Variants in PPFIBP1 observed in about 807,000 individuals in gnomAD.
The protein encoded by PPFIBP1 is PPFIB scaffold protein 1.
In PPFIBP1, 112 loss-of-function variants were observed where a neutral mutation model predicts 137.8. The observed-to-expected ratio is 0.81, with a 90% CI of 0.70 to 0.95. PPFIBP1 has a LOEUF of 0.95. Among genes scored for constraint, PPFIBP1 ranks in the 40% least tolerant of loss-of-function variants. The pLI is 0.00. For synonymous variants in PPFIBP1, 378 were observed against 417.3 expected (o/e 0.91, Z 1.15); for missense variants, 1,083 against 1,196.6 (o/e 0.91, Z 1.40).
chr12:27,575,026 T>C (rs2050445797), intron 1 of PPFIBP1, among the ~76,000 whole-genome samples: 1 of 152,240 alleles, frequency 6.6e-6, no homozygotes, highest in African/African-American at 2.4e-5. Flanking sequence ...TCCAGCAACA[T>C]GACTATACCA....
chr12:27,649,805 G>T (rs2058764584), intron 6 of PPFIBP1, among the ~76,000 whole-genome samples: 1 of 152,104 alleles, frequency 6.6e-6, no homozygotes. Flanking sequence ...GCCTGCCTCG[G>T]CCTCCCAAAG....
At chr12:27,688,509 A>G in intron 26 of PPFIBP1, 86 bp downstream of exon 26, 1 of 1,507,890 alleles carries the variant, frequency 6.6e-7, no homozygotes, top group Non-Finnish European at 9.0e-7. Flanking sequence ...GCTTATCATA[A>G]TCCTAAAGTC....
rs372628991 is a variant in PPFIBP1, at chr12:27,670,835, G to A, written c.1147-596G>A. Among the ~76,000 whole-genome samples, 6 of 130,480 alleles carry A rather than the reference G, an allele frequency of 4.6e-5. No individual in the cohort carries two copies. The East Asian group carries it at 6.7e-4, about 15-fold the overall frequency. The allele number at this position is 130,480 out of a possible 152,430, so 85.6% of individuals were successfully genotyped here. A position where few individuals can be genotyped will look rare whatever the true frequency, so the allele number is the denominator to read the frequency against. On this transcript the variant is annotated intron_variant, in intron 13 of 29. Coordinates refer to ENST00000228425, the MANE Select transcript of PPFIBP1 (RefSeq NM_003622.4). ...AATAATAGAGTGTTGAAAGCAAAAC[G>A]TGTTACCCAAATCTTACAATAAATC... is the stretch of plus-strand genomic sequence containing the variant.
In PPFIBP1 at chr12:27,597,120, A is replaced by T. The variant is rs184458134; in HGVS notation, c.-36+18881A>T. 1.0e-3 allele frequency among the ~76,000 whole-genome samples: 154 copies of T among 152,248 alleles called. 1 individual carries two copies. Among genetic ancestry groups the T allele is most frequent in the South Asian group, 5.8e-3 (28 of 4,818 alleles). ...ATATGGTATACAGGACTGGCTAACA[A>T]TGGTGTCCATATTTGGGGCAGGCCA... On this transcript the variant is annotated intron_variant, in intron 2 of 29. Coordinates refer to ENST00000228425, the MANE Select transcript of PPFIBP1 (RefSeq NM_003622.4).
intron 7 of PPFIBP1, among the ~76,000 whole-genome samples, chr12:27,650,592 CAG>C (rs986912658): frequency 2.6e-5 from 4 of 152,160 alleles, no homozygotes; most frequent in Admixed American, 6.5e-5. Flanking sequence ...AAATCACAGA[CAG>C]AGCTTTTTTG....
In PPFIBP1 at chr12:27,695,158, C is replaced by T. The variant is rs1389430310; in HGVS notation, c.*2276C>T. ...TTGAGACGGAGTCTTGCTCTGTTGC[C>T]CAGGCTGGAGTGCAGTGGCACAATC... On this transcript the variant is annotated 3_prime_UTR_variant, in exon 30 of 30. Transcript: ENST00000228425. 6.6e-6 allele frequency: 1 copy of T among 151,294 alleles called. No homozygotes were observed. The highest frequency in any genetic ancestry group is 1.5e-5 in the Non-Finnish European group (1 of 67,956). 9.4% of individuals were successfully genotyped at this position (151,294 alleles called of 1,614,324 possible).
chr12:27,681,358 A>G (rs1040764077), intron 21 of PPFIBP1, among the ~76,000 whole-genome samples, 188 bp from the exon 22 acceptor site: 1 of 152,206 alleles, frequency 6.6e-6, no homozygotes, highest in Non-Finnish European at 1.5e-5. Flanking sequence ...AAATGAAGAC[A>G]GTGGTCTTAG....
chr12:27,654,837 C>A, intron 8 of PPFIBP1, 23 bp downstream of exon 8: 8 of 1,603,334 alleles, frequency 5.0e-6, no homozygotes, highest in Non-Finnish European at 6.0e-6. Context: ...CACAGGTTAA[C>A]ATTTTCAAAC....
At chr12:27,627,603 C>G (rs548303261) in intron 2 of PPFIBP1, among the ~76,000 whole-genome samples, 1 of 152,126 alleles carries the variant, frequency 6.6e-6, no homozygotes, top group Admixed American at 6.5e-5. Context: ...TTTCTTATGG[C>G]CTTTCTTTTC....
At chr12:27,597,443 C>T (rs925024999) in intron 2 of PPFIBP1, among the ~76,000 whole-genome samples, 9 of 152,070 alleles carry the variant, frequency 5.9e-5, no homozygotes, top group Non-Finnish European at 1.3e-4. Context: ...CGTGAGCCAC[C>T]GCGACCGGCC....
chr12:27,602,329 A>G (rs2054084776), intron 2 of PPFIBP1, among the ~76,000 whole-genome samples: 1 of 152,240 alleles, frequency 6.6e-6, no homozygotes, highest in Non-Finnish European at 1.5e-5. Flanking sequence ...TAAGGTGTAC[A>G]GTGTGATGAT....
At position 27,578,901 on chromosome 12, in the gene PPFIBP1, C is replaced by T. The variant is rs377531623; in HGVS notation, c.-36+662C>T. Among the ~76,000 whole-genome samples the T allele has an allele frequency of 6.6e-4, 101 of 152,308 alleles. 1 individual carries two copies. Among genetic ancestry groups the T allele is most frequent in the Middle Eastern group, 3.4e-3 (1 of 294 alleles). On this transcript the variant is annotated intron_variant, in intron 2 of 29. Coordinates refer to ENST00000228425, the MANE Select transcript of PPFIBP1 (RefSeq NM_003622.4). ...ACACTTCAGTGATCTGGATGAGGAT[C>T]CGAGAGAGGTAAGGAGCGTGCTGAC...
At chr12:27,581,046 C>T (rs1204028274) in intron 2 of PPFIBP1, among the ~76,000 whole-genome samples, 1 of 152,078 alleles carries the variant, frequency 6.6e-6, no homozygotes, top group Non-Finnish European at 1.5e-5. Context: ...AGGCGTGTGC[C>T]ATCATGCCCG....
chr12:27,585,759 G>A (rs945427596), intron 2 of PPFIBP1, among the ~76,000 whole-genome samples: 2 of 152,168 alleles, frequency 1.3e-5, no homozygotes, highest in Admixed American at 1.3e-4. Context: ...AATATAACCT[G>A]GGTCTTGAAT....
chr12:27,661,718 AC>A (rs2059565403), intron 11 of PPFIBP1, among the ~76,000 whole-genome samples: 1 of 152,234 alleles, frequency 6.6e-6, no homozygotes, highest in South Asian at 2.1e-4. Flanking sequence ...GTAAAAAACA[AC>A]AAAAAGTCAA....
At chr12:27,596,101 CACACACAT>C (rs1490117654) in intron 2 of PPFIBP1, among the ~76,000 whole-genome samples, 2 of 147,598 alleles carry the variant, frequency 1.4e-5, no homozygotes, top group Non-Finnish European at 3.0e-5. Context: ...CACACACACA[CACACACAT>C]ATGCTTACAA....
chr12:27,558,002 A>G (rs1157399451), intron 1 of PPFIBP1, among the ~76,000 whole-genome samples: 1 of 152,130 alleles, frequency 6.6e-6, no homozygotes, highest in Non-Finnish European at 1.5e-5. Context: ...CTATTCCTTT[A>G]TTTCCAAGAG....
At chr12:27,591,042 A>G (rs2052449600) in intron 2 of PPFIBP1, among the ~76,000 whole-genome samples, 1 of 152,032 alleles carries the variant, frequency 6.6e-6, no homozygotes, top group Admixed American at 6.6e-5. Flanking sequence ...TTATAGTCAT[A>G]TATTTGCCTG....
At chr12:27,647,035 T>C (rs1485343243) in intron 5 of PPFIBP1, among the ~76,000 whole-genome samples, 1 of 152,208 alleles carries the variant, frequency 6.6e-6, no homozygotes, top group Non-Finnish European at 1.5e-5. Flanking sequence ...GGAGTCTCGC[T>C]CTGTTGCCGA....
Sources: allele counts gnomAD v4.1 joint callset (sites outside exome capture counted in the v4.1 genomes callset), GRCh38; gene constraint gnomAD v4.1.1; transcripts MANE v1.5; gene names NCBI Gene and HGNC (gene_info 2026-07-23, HGNC 2026-07-21).